The following HECTD2 variants were observed in gnomAD, a reference collection of about 807,000 sequenced individuals.
HECTD2 encodes the protein probable E3 ubiquitin-protein ligase HECTD2.
HECTD2 carries 35 observed loss-of-function variants against 103.2 expected under a neutral mutation model. The observed-to-expected ratio is 0.34, with a 90% CI of 0.26 to 0.45. The LOEUF (loss-of-function observed/expected upper bound fraction) is 0.45, where lower values mean the gene tolerates loss of function less well. Among genes scored for constraint, HECTD2 ranks in the 20% least tolerant of loss-of-function variants. HECTD2 has a pLI of 1.00. For synonymous variants in HECTD2, 281 were observed against 329.9 expected (o/e 0.85, Z 1.61); for missense variants, 596 against 937.4 (o/e 0.64, Z 4.76).
At chr10:91,509,111 C>G (rs1216779920) in intron 20 of HECTD2, among the ~76,000 whole-genome samples, 1 of 116,502 alleles carries the variant, frequency 8.6e-6, no homozygotes, top group Non-Finnish European at 1.6e-5. Context: ...ACATCACACT[C>G]TGGGGACTGT....
At chr10:91,421,371 T>C (rs1033163015) in intron 1 of HECTD2, among the ~76,000 whole-genome samples, 2 of 152,168 alleles carry the variant, frequency 1.3e-5, no homozygotes, top group African/African-American at 2.4e-5. Context: ...TACATGCCAA[T>C]ATTTCCCACA....
intron 8 of HECTD2, among the ~76,000 whole-genome samples, chr10:91,483,431 TC>T (rs920182441): frequency 2.0e-5 from 3 of 151,974 alleles, no homozygotes; most frequent in African/African-American, 7.2e-5. Context: ...TTATTTTCTA[TC>T]TGTAAATTCA....
intron 2 of HECTD2, among the ~76,000 whole-genome samples, chr10:91,436,482 T>C (rs1415253547): frequency 6.6e-6 from 1 of 151,988 alleles, no homozygotes; most frequent in Non-Finnish European, 1.5e-5. Flanking sequence ...GTCAATCACT[T>C]AGTATTCAGT....
intron 20 of HECTD2, among the ~76,000 whole-genome samples, chr10:91,508,703 G>A (rs2133385539): frequency 6.7e-6 from 1 of 148,404 alleles, no homozygotes; most frequent in East Asian, 2.0e-4. Context: ...AACCATTGTG[G>A]AGGTCAGTGT....
At chr10:91,449,294 A>G (rs1305081164) in intron 2 of HECTD2, among the ~76,000 whole-genome samples, 1 of 152,190 alleles carries the variant, frequency 6.6e-6, no homozygotes, top group African/African-American at 2.4e-5. Context: ...ATGACAAAAA[A>G]CACTTAATTA....
At chr10:91,445,789 A>G (rs913752082) in intron 2 of HECTD2, among the ~76,000 whole-genome samples, 7 of 152,092 alleles carry the variant, frequency 4.6e-5, no homozygotes, top group African/African-American at 1.7e-4. Context: ...GGGATCAGAG[A>G]AATCCCTCCC....
chr10:91,506,897 C>G (rs1847206226), intron 20 of HECTD2, among the ~76,000 whole-genome samples: 2 of 148,220 alleles, frequency 1.3e-5, no homozygotes, highest in Non-Finnish European at 3.0e-5. Flanking sequence ...CAAAACGAAT[C>G]CAGCAGCACA....
intron 2 of HECTD2, among the ~76,000 whole-genome samples, chr10:91,445,297 G>A (rs1844552095): frequency 1.3e-5 from 2 of 152,262 alleles, no homozygotes; most frequent in Middle Eastern, 6.8e-3. Context: ...ATGAAGATTG[G>A]AGGTTCAGTA....
intron 2 of HECTD2, among the ~76,000 whole-genome samples, chr10:91,439,154 G>A (rs976874413): frequency 5.3e-5 from 8 of 152,116 alleles, no homozygotes; most frequent in East Asian, 1.9e-4. Context: ...CTGTGCCCAC[G>A]CCTATGTCCT....
At position 91,472,503 on chromosome 10, in the gene HECTD2, A is replaced by G. The variant is rs189742172; in HGVS notation, c.601-5698A>G. Among the ~76,000 whole-genome samples, 136 of 152,344 alleles carry G rather than the reference A, an allele frequency of 8.9e-4. 2 individuals carry two copies. The highest frequency in any genetic ancestry group is 3.2e-3 in the African/African-American group (134 of 41,584). Reference sequence around the variant, plus strand: ...CTTCTGCATAGCAAAAGAAACTATCAACACAGTAAGTAGACAACCTGCAGA... The same window carrying G: ...CTTCTGCATAGCAAAAGAAACTATCGACACAGTAAGTAGACAACCTGCAGA... On this transcript the variant is annotated intron_variant, in intron 5 of 20. Transcript: ENST00000298068.
chr10:91,464,222 A>G (rs1413355974), intron 5 of HECTD2, among the ~76,000 whole-genome samples: 1 of 152,202 alleles, frequency 6.6e-6, no homozygotes, highest in Admixed American at 6.5e-5. Context: ...CAAAGGCCAG[A>G]ATGACCCAGT....
intron 2 of HECTD2, among the ~76,000 whole-genome samples, chr10:91,435,460 C>T (rs548455310): frequency 6.6e-6 from 1 of 152,068 alleles, no homozygotes; most frequent in East Asian, 1.9e-4. Context: ...AAGAAGTAGG[C>T]TCATCTGTAC....
At chr10:91,506,037 G>A (rs1252640976) in intron 20 of HECTD2, among the ~76,000 whole-genome samples, 6 of 152,242 alleles carry the variant, frequency 3.9e-5, no homozygotes, top group East Asian at 1.9e-4. Context: ...GGTACATAAC[G>A]AAATGAAGGC....
In HECTD2 at chr10:91,496,355, T is replaced by G. The variant is rs1335792446; in HGVS notation, c.1663T>G (p.Leu555Val). 6.2e-7 allele frequency: 1 copy of G among 1,608,942 alleles called. No individual in the cohort carries two copies. The highest frequency in any genetic ancestry group is 1.7e-5 in the Admixed American group (1 of 59,522). Residue 555 changes from leucine to valine, a missense_variant, in exon 15 of 21, where the codon TTA becomes GTA. By Grantham distance (32) the Leu-to-Val change is conservative. Coordinates refer to ENST00000298068, the MANE Select transcript of HECTD2 (RefSeq NM_182765.6). ...VGICNVTVDD[L>V]CQIMPELAHG... The stretch of plus-strand genomic sequence containing the variant: ...CATCTGCAATGTTACCGTGGACGAC[T>G]TATGTCAAATTATGCCTGTAAGTAT...
intron 14 of HECTD2, among the ~76,000 whole-genome samples, chr10:91,493,792 T>G (rs1435255781): frequency 6.6e-6 from 1 of 152,006 alleles, no homozygotes; most frequent in Non-Finnish European, 1.5e-5. Context: ...TTAAGGCATT[T>G]TTTAAAAAAA....
intron 2 of HECTD2, among the ~76,000 whole-genome samples, chr10:91,430,700 A>G (rs1007357760): frequency 3.3e-5 from 5 of 151,856 alleles, no homozygotes; most frequent in African/African-American, 1.2e-4. Context: ...TAGGATTGCA[A>G]CCTCTGCCTT....
chr10:91,509,209 GCA>G (rs1017909704), intron 20 of HECTD2, among the ~76,000 whole-genome samples: 15 of 151,470 alleles, frequency 9.9e-5, no homozygotes, highest in African/African-American at 3.6e-4. Context: ...CACCAGCATG[GCA>G]CATGTATACG....
intron 20 of HECTD2, among the ~76,000 whole-genome samples, chr10:91,506,201 A>C (rs1353496771): frequency 4.0e-5 from 6 of 150,146 alleles, no homozygotes. Context: ...CCCTAACATC[A>C]CAATTAAAAG....
At chr10:91,447,698 CA>C (rs1196831521) in intron 2 of HECTD2, among the ~76,000 whole-genome samples, 1 of 36,350 alleles carries the variant, frequency 2.8e-5, no homozygotes, top group Non-Finnish European at 5.2e-5. Flanking sequence ...AAATGGAAAG[CA>C]AAAAAAAAAA....
Sources: allele counts gnomAD v4.1 joint callset (sites outside exome capture counted in the v4.1 genomes callset), GRCh38; gene constraint gnomAD v4.1.1; transcripts MANE v1.5; gene names NCBI Gene and HGNC (gene_info 2026-07-23, HGNC 2026-07-21).